The following VPS50 variants were observed in gnomAD, a reference collection of about 807,000 sequenced individuals.
VPS50 encodes the protein syndetin.
Under a neutral mutation model 139.7 loss-of-function variants are expected in VPS50, and 70 were observed. That is an observed-to-expected ratio of 0.50 (90% confidence interval 0.41 to 0.61). The LOEUF (loss-of-function observed/expected upper bound fraction) is 0.61. Among genes scored for constraint, VPS50 ranks in the 20% least tolerant of loss-of-function variants. VPS50 has a pLI of 0.00. For synonymous variants in VPS50, 365 were observed against 376.7 expected (o/e 0.97, Z 0.36); for missense variants, 921 against 1,133.7 (o/e 0.81, Z 2.69).
intron 22 of VPS50, among the ~76,000 whole-genome samples, chr7:93,338,756 T>C (rs1469175464): frequency 1.3e-5 from 2 of 152,176 alleles, no homozygotes; most frequent in Non-Finnish European, 2.9e-5. Context: ...GGGAGTGTTA[T>C]GATCACATCT....
At chr7:93,276,772 T>G (rs1796168023) in intron 12 of VPS50, among the ~76,000 whole-genome samples, 1 of 152,190 alleles carries the variant, frequency 6.6e-6, no homozygotes, top group African/African-American at 2.4e-5. Context: ...AGAAGTGGAC[T>G]GACTTGGGTT....
At position 93,358,568 on chromosome 7, in the gene VPS50, G is replaced by T; in HGVS notation, c.*132G>T. ...GTGCATGTTTTTTTGACTGGAAAGT[G>T]GAAAATATTGAAATGTGTGTGGTGT... On this transcript the variant is annotated 3_prime_UTR_variant, in exon 28 of 28. Coordinates refer to ENST00000305866, the MANE Select transcript of VPS50 (RefSeq NM_017667.4). 1 of 722,390 alleles carries T rather than the reference G, an allele frequency of 1.4e-6. No individual in the cohort carries two copies. The highest frequency in any genetic ancestry group is 2.6e-5 in the East Asian group (1 of 39,148). The allele number at this position is 722,390 out of a possible 1,614,324, so 44.7% of individuals were successfully genotyped here.
At chr7:93,350,572 G>T (rs1449974163) in intron 25 of VPS50, among the ~76,000 whole-genome samples, 1 of 152,226 alleles carries the variant, frequency 6.6e-6, no homozygotes, top group East Asian at 1.9e-4. Flanking sequence ...AGAAGTGCTG[G>T]CAGTATAGCT....
chr7:93,303,870 G>A (rs1265946460), intron 17 of VPS50, among the ~76,000 whole-genome samples: 4 of 151,644 alleles, frequency 2.6e-5, no homozygotes, highest in African/African-American at 7.2e-5. Context: ...TTTAAGTTTT[G>A]CAGATAATCA....
intron 27 of VPS50, 62 bp downstream of exon 27, chr7:93,356,142 G>A: frequency 1.2e-6 from 1 of 809,686 alleles, no homozygotes; most frequent in Non-Finnish European, 1.8e-6. Flanking sequence ...GTTCTTGTTG[G>A]GTGTGTTATT....
chr7:93,311,231 C>G lies in VPS50; in HGVS notation c.1814C>G (p.Pro605Arg). Reference sequence around the variant, plus strand: ...TACAGTCTAAATAAAGTGAATGCACCTATCTTAACAAATACAACATTGAAC... The same window carrying G: ...TACAGTCTAAATAAAGTGAATGCACGTATCTTAACAAATACAACATTGAAC... The part of the protein sequence containing the change: ...SDYSLNKVNA[P>R]ILTNTTLNVI... The change falls in exon 20 of 28, where the codon CCT becomes CGT. Residue 605 changes from proline (P) to arginine (R), a missense_variant. By Grantham distance (103) the Pro-to-Arg change is moderately radical (BLOSUM62 -2). Around this residue, in one of 3 missense-constraint regions of VPS50, gnomAD observed 744 missense variants for 930.6 expected, o/e 0.80. Coordinates refer to ENST00000305866, the MANE Select transcript of VPS50 (RefSeq NM_017667.4). 1 of 1,412,454 alleles carries G rather than the reference C, an allele frequency of 7.1e-7. No individual in the cohort carries two copies. The highest frequency in any genetic ancestry group is 1.0e-6 in the Non-Finnish European group (1 of 996,438). 87.5% of individuals were successfully genotyped at this position (1,412,454 alleles called of 1,614,324 possible).
At chr7:93,268,086 G>A (rs1795894422) in intron 9 of VPS50, among the ~76,000 whole-genome samples, 1 of 152,154 alleles carries the variant, frequency 6.6e-6, no homozygotes, top group Non-Finnish European at 1.5e-5. Flanking sequence ...ATAGGAAATG[G>A]TAGAGCCCAC....
intron 2 of VPS50, 121 bp downstream of exon 2, chr7:93,240,055 C>G: frequency 1.5e-6 from 1 of 645,328 alleles, no homozygotes. Context: ...TTAAGATAAG[C>G]TAGGTAAATT....
chr7:93,322,737 A>G (rs547204667), intron 20 of VPS50, among the ~76,000 whole-genome samples: 1 of 152,200 alleles, frequency 6.6e-6, no homozygotes, highest in African/African-American at 2.4e-5. Flanking sequence ...AGAAGAAAGT[A>G]TAGAGCATTT....
At chr7:93,268,316 G>A (rs1795901960) in intron 9 of VPS50, among the ~76,000 whole-genome samples, 1 of 152,080 alleles carries the variant, frequency 6.6e-6, no homozygotes, top group African/African-American at 2.4e-5. Flanking sequence ...GATTCATTAG[G>A]AAGCTATTTT....
At chr7:93,291,985 AG>A (rs1277096535) in intron 13 of VPS50, 150 bp downstream of exon 13, 2 of 549,766 alleles carry the variant, frequency 3.6e-6, no homozygotes, top group East Asian at 5.9e-5. Context: ...AAAGTGATTC[AG>A]CTACTTCAAA....
At chr7:93,252,837 G>A in intron 3 of VPS50, 62 bp downstream of exon 3, 1 of 1,338,580 alleles carries the variant, frequency 7.5e-7, no homozygotes, top group Non-Finnish European at 1.0e-6. Context: ...GGATTTATGA[G>A]ATTTGAATAC....
rs1334135599 is a variant in VPS50, at chr7:93,239,874, A to G, written c.42A>G (p.Lys14=). Residue 14 remains lysine, a synonymous_variant, in exon 2 of 28, where the codon AAA becomes AAG. Coordinates refer to ENST00000305866, the MANE Select transcript of VPS50 (RefSeq NM_017667.4). ...IKSLMTRQGL[K]SPQESLSDLG... is the part of the protein sequence containing the mutation. The stretch of plus-strand genomic sequence containing the variant: ...CTTATTATTTTTTTAAGGGTCTGAA[A>G]AGCCCTCAAGAAAGCCTCAGTGATC... 8 of 1,598,150 alleles carry G rather than the reference A, an allele frequency of 5.0e-6. No homozygotes were observed. The South Asian group carries it at 7.7e-5, about 15-fold the overall frequency.
intron 21 of VPS50, among the ~76,000 whole-genome samples, chr7:93,325,302 A>T (rs1019859466): frequency 6.6e-6 from 1 of 152,214 alleles, no homozygotes; most frequent in African/African-American, 2.4e-5. Context: ...AATTAATTCA[A>T]GATGGATTAA....
chr7:93,291,466 A>C (rs935498724), intron 12 of VPS50, among the ~76,000 whole-genome samples: 2 of 152,094 alleles, frequency 1.3e-5, no homozygotes, highest in African/African-American at 4.8e-5. Flanking sequence ...CTGTAACTAC[A>C]GATTGATTCA....
chr7:93,270,395 A>G (rs1795969190), intron 9 of VPS50, among the ~76,000 whole-genome samples: 1 of 152,030 alleles, frequency 6.6e-6, no homozygotes, highest in Admixed American at 6.6e-5. Context: ...AGCATACAGT[A>G]TATACTATTT....
intron 27 of VPS50, among the ~76,000 whole-genome samples, chr7:93,357,959 A>C (rs1266411704): frequency 1.3e-5 from 2 of 152,186 alleles, no homozygotes; most frequent in Non-Finnish European, 2.9e-5. Context: ...GCATTTAAAA[A>C]ATTTGAAATG....
At chr7:93,322,764 C>A (rs1797655819) in intron 20 of VPS50, among the ~76,000 whole-genome samples, 1 of 152,100 alleles carries the variant, frequency 6.6e-6, no homozygotes, top group South Asian at 2.1e-4. Flanking sequence ...AGATATGCTT[C>A]TTTTCCTCTT....
intron 27 of VPS50, 67 bp downstream of exon 27, chr7:93,356,147 G>A: frequency 1.3e-6 from 1 of 761,028 alleles, no homozygotes; most frequent in Non-Finnish European, 2.0e-6. Context: ...TGTTGGGTGT[G>A]TTATTTAATT....
Sources: gnomAD v4.1 joint callset for allele counts (sites outside exome capture counted in the v4.1 genomes callset) on GRCh38, gnomAD v4.1.1 for gene constraint, gnomAD v4.1.1 regional missense constraint, MANE v1.5 for transcripts, NCBI Gene and HGNC (gene_info 2026-07-23, HGNC 2026-07-21) for gene names.